Variants in CIMIP2C observed in about 807,000 individuals in gnomAD.
The protein encoded by CIMIP2C is ciliary microtubule inner protein 2C, also known as UPF0573 protein C2orf70.
chr2:26,575,474 G>T, the CIMIP2C span, among the ~76,000 whole-genome samples: 3 of 152,208 alleles, frequency 2.0e-5, no homozygotes, highest in Non-Finnish European at 4.4e-5. Context: ...TTGACTGGGG[G>T]GGTATCTGGT....
At chr2:26,572,120 C>T in the CIMIP2C span, 1 of 1,545,338 alleles carries the variant, frequency 6.5e-7, no homozygotes, top group South Asian at 1.2e-5. Context: ...TTTTAGATGC[C>T]ATGGGTTGAC....
the CIMIP2C span, chr2:26,563,008 T>C: frequency 2.7e-6 from 1 of 373,170 alleles, no homozygotes; most frequent in Non-Finnish European, 4.8e-6. Flanking sequence ...GTTTAGTGCT[T>C]GGAGACGCCC....
chr2:26,572,122 T>G, the CIMIP2C span: 1,180 of 1,546,002 alleles, frequency 7.6e-4, 15 homozygotes, highest in East Asian at 0.027. Flanking sequence ...TTAGATGCCA[T>G]GGGTTGACTC....
chr2:26,564,182 T>C, the CIMIP2C span, among the ~76,000 whole-genome samples: 2 of 152,192 alleles, frequency 1.3e-5, no homozygotes, highest in African/African-American at 2.4e-5. Flanking sequence ...ACATTCTGGG[T>C]GTTCATCATG....
At chr2:26,565,310 C>G in the CIMIP2C span, among the ~76,000 whole-genome samples, 1 of 152,128 alleles carries the variant, frequency 6.6e-6, no homozygotes, top group Non-Finnish European at 1.5e-5. Context: ...AGGCTGGTCT[C>G]GAACTCCTGA....
the CIMIP2C span, chr2:26,575,821 C>A: frequency 6.6e-7 from 1 of 1,507,334 alleles, no homozygotes; most frequent in Non-Finnish European, 8.9e-7. Context: ...ACAGCATCCT[C>A]CACTTTTAAG....
the CIMIP2C span, among the ~76,000 whole-genome samples, chr2:26,567,604 G>A: frequency 6.6e-6 from 1 of 152,210 alleles, no homozygotes; most frequent in Non-Finnish European, 1.5e-5. Flanking sequence ...GGGTTCCAAA[G>A]CATTTGCATT....
the CIMIP2C span, among the ~76,000 whole-genome samples, chr2:26,571,745 C>T: frequency 2.6e-5 from 4 of 152,060 alleles, no homozygotes; most frequent in Admixed American, 1.3e-4. Flanking sequence ...CAGACGAGAT[C>T]GGGCGCGCTC....
At chr2:26,569,398 G>A in the CIMIP2C span, among the ~76,000 whole-genome samples, 8 of 152,178 alleles carry the variant, frequency 5.3e-5, no homozygotes, top group African/African-American at 9.7e-5. Context: ...ACCTGGCCCC[G>A]CTTGTGCTTG....
chr2:26,577,430 C>G, the CIMIP2C span: 1 of 1,286,474 alleles, frequency 7.8e-7, no homozygotes, highest in Non-Finnish European at 1.1e-6. Flanking sequence ...CAACCCTGCC[C>G]AGGTGCAGCG....
the CIMIP2C span, chr2:26,563,063 G>T: frequency 1.2e-3 from 288 of 247,934 alleles, no homozygotes; most frequent in Non-Finnish European, 1.6e-3. Context: ...GAGAAAATCA[G>T]GCCCTTCCGT....
chr2:26,570,789 G>A, the CIMIP2C span, among the ~76,000 whole-genome samples: 2 of 152,190 alleles, frequency 1.3e-5, no homozygotes, highest in South Asian at 2.1e-4. Flanking sequence ...ATGGACAGCA[G>A]GCTGGAGGGG....
chr2:26,563,707 G>A, the CIMIP2C span, among the ~76,000 whole-genome samples: 2 of 152,186 alleles, frequency 1.3e-5, no homozygotes, highest in African/African-American at 2.4e-5. Flanking sequence ...CCCTGCAATC[G>A]GAACAGATGG....
At chr2:26,567,266 TC>T in the CIMIP2C span, among the ~76,000 whole-genome samples, 4 of 152,254 alleles carry the variant, frequency 2.6e-5, no homozygotes, top group South Asian at 6.2e-4. Context: ...TGGGGGCAGT[TC>T]CCCCATCCTG....
At chr2:26,576,161 A>G in the CIMIP2C span, 4 of 1,613,560 alleles carry the variant, frequency 2.5e-6, no homozygotes, top group African/African-American at 1.3e-5. Context: ...CACAGAGCTT[A>G]CGAATTTCTA....
the CIMIP2C span, among the ~76,000 whole-genome samples, chr2:26,577,152 GA>G: frequency 6.6e-6 from 1 of 152,242 alleles, no homozygotes; most frequent in Non-Finnish European, 1.5e-5. Context: ...TGGGGAAGGA[GA>G]GGGGGGAGGA....
At chr2:26,564,518 C>G in the CIMIP2C span, among the ~76,000 whole-genome samples, 176 of 152,280 alleles carry the variant, frequency 1.2e-3, no homozygotes, top group African/African-American at 4.1e-3. Flanking sequence ...CAGCTGAGCC[C>G]GTATCTGCTG....
At chr2:26,565,059 T>TCTTCCCCTTCCC in the CIMIP2C span, among the ~76,000 whole-genome samples, 6 of 143,316 alleles carry the variant, frequency 4.2e-5, no homozygotes, top group Admixed American at 1.4e-4. Context: ...TTCTCCTTCT[T>TCTTCCCCTTCCC]CTTCCCCTTC....
At chr2:26,572,349 G>GTTTTTTTTTTTTTTT in the CIMIP2C span, among the ~76,000 whole-genome samples, 3 of 138,658 alleles carry the variant, frequency 2.2e-5, no homozygotes, top group Non-Finnish European at 3.1e-5. Flanking sequence ...TACTGAGTTG[G>GTTTTTTTTTTTTTTT]TTTTTTTTTT....
Sources: allele counts gnomAD v4.1 joint callset (sites outside exome capture counted in the v4.1 genomes callset), GRCh38; gene constraint gnomAD v4.1.1; transcripts MANE v1.5; gene names NCBI Gene and HGNC (gene_info 2026-07-23, HGNC 2026-07-21).